The following LRP1B variants were observed in gnomAD, a reference collection of about 807,000 sequenced individuals.
LRP1B encodes LDL receptor related protein 1B, also known as low-density lipoprotein receptor-related protein 1B.
A neutral mutation model predicts 556.6 loss-of-function variants in LRP1B; 217 were observed. The ratio of observed to expected loss-of-function variants is 0.39; its 90% CI spans 0.35 to 0.44. The LOEUF (loss-of-function observed/expected upper bound fraction) is 0.44. Ranked by LOEUF, LRP1B falls within the 20% of genes least tolerant of loss-of-function variation. The pLI, the probability that LRP1B is intolerant of heterozygous loss-of-function variation, is 1.00. For missense variants in LRP1B, 5,053 were observed against 5,620.8 expected, an observed-to-expected ratio of 0.90 and a Z score of 3.23; for synonymous variants, 2,047 against 1,865.8, an observed-to-expected ratio of 1.10 and a Z score of -2.50.
chr2:141,661,720 G>A (rs963654037), intron 2 of LRP1B, among the ~76,000 whole-genome samples: 11 of 152,298 alleles, frequency 7.2e-5, no homozygotes, highest in African/African-American at 2.2e-4. Flanking sequence ...GTACCTGAAC[G>A]AGATGGGGAG....
chr2:141,724,350 T>A (rs546175020), intron 2 of LRP1B, among the ~76,000 whole-genome samples: 5 of 151,962 alleles, frequency 3.3e-5, no homozygotes. Context: ...CCTACCACCA[T>A]GTAGCTGCTG....
intron 2 of LRP1B, among the ~76,000 whole-genome samples, chr2:141,580,152 T>G (rs1462386859): frequency 1.3e-5 from 2 of 152,178 alleles, no homozygotes; most frequent in African/African-American, 4.8e-5. Context: ...ATGTGGACAT[T>G]AAAAAATTAT....
At chr2:141,170,181 C>T (rs1035687340) in intron 7 of LRP1B, among the ~76,000 whole-genome samples, 2 of 152,046 alleles carry the variant, frequency 1.3e-5, no homozygotes, top group African/African-American at 4.8e-5. Flanking sequence ...GCCACCAGTC[C>T]TAGAAATGAA....
At position 140,335,674 on chromosome 2, in the gene LRP1B, G is replaced by T; in HGVS notation, c.12057C>A (p.Thr4019=). ...NVGQLNGPNC[T]RLLTNMAGEP... ...CTCCAGCCATATTTGTTAAGAGTCT[G>T]GTGCAGTTGGGGCCATTCAGCTGCC... is the stretch of plus-strand genomic sequence containing the variant. The change falls in exon 78 of 91, where the codon ACC becomes ACA. Residue 4019 remains threonine, a synonymous_variant. Transcript: ENST00000389484. 3.7e-6 allele frequency: 6 copies of T among 1,612,668 alleles called. No homozygotes were observed. Among genetic ancestry groups the T allele is most frequent in the Non-Finnish European group, 5.1e-6 (6 of 1,179,048 alleles).
intron 11 of LRP1B, among the ~76,000 whole-genome samples, chr2:141,038,427 G>C (rs1013651924): frequency 3.3e-5 from 5 of 152,134 alleles, no homozygotes; most frequent in Non-Finnish European, 2.9e-5. Context: ...ATTTGACCAA[G>C]TTTTGATGTG....
At chr2:141,844,844 T>C (rs1383506401) in intron 1 of LRP1B, among the ~76,000 whole-genome samples, 1 of 151,764 alleles carries the variant, frequency 6.6e-6, no homozygotes, top group Non-Finnish European at 1.5e-5. Context: ...TCAATCATAT[T>C]CCCAAAACAG....
chr2:140,738,161 C>T (rs1156944513), intron 35 of LRP1B, among the ~76,000 whole-genome samples: 1 of 152,154 alleles, frequency 6.6e-6, no homozygotes, highest in African/African-American at 2.4e-5. Flanking sequence ...TGCCAAGCCA[C>T]TTTGAACTTC....
At chr2:140,742,011 A>G (rs1281195406) in intron 35 of LRP1B, among the ~76,000 whole-genome samples, 1 of 152,176 alleles carries the variant, frequency 6.6e-6, no homozygotes, top group Non-Finnish European at 1.5e-5. Flanking sequence ...TAATCCGTTC[A>G]TGGCTTTCAG....
chr2:141,614,023 A>C (rs1236292912), intron 2 of LRP1B, among the ~76,000 whole-genome samples: 1 of 136,844 alleles, frequency 7.3e-6, no homozygotes, highest in Admixed American at 8.0e-5. Flanking sequence ...TCATGAGCTG[A>C]GATCCAGCCA....
chr2:140,448,459 A>C (rs1686756776), intron 63 of LRP1B, among the ~76,000 whole-genome samples: 1 of 152,134 alleles, frequency 6.6e-6, no homozygotes, highest in Non-Finnish European at 1.5e-5. Flanking sequence ...TAGTGACAGC[A>C]TGGATGAACC....
chr2:141,962,727 C>T (rs1701436945), intron 1 of LRP1B, among the ~76,000 whole-genome samples: 1 of 151,708 alleles, frequency 6.6e-6, no homozygotes, highest in African/African-American at 2.4e-5. Flanking sequence ...CTAATAACAC[C>T]ATATAAGGTT....
At chr2:140,486,431 G>A (rs1688475884) in intron 58 of LRP1B, among the ~76,000 whole-genome samples, 1 of 151,772 alleles carries the variant, frequency 6.6e-6, no homozygotes, top group South Asian at 2.1e-4. Context: ...TGGAAAATTG[G>A]CATGGCTATT....
chr2:141,995,927 A>G (rs1702476208), intron 1 of LRP1B, among the ~76,000 whole-genome samples: 1 of 152,196 alleles, frequency 6.6e-6, no homozygotes, highest in Non-Finnish European at 1.5e-5. Flanking sequence ...AAGAGGGAAG[A>G]AAAAGGATAC....
At position 141,339,750 on chromosome 2, in the gene LRP1B, GTTTA is replaced by G. The variant is rs556097377; in HGVS notation, c.344-85113_344-85110del. ...TAATTTGGCCCAGAGAAGAGTCATG[GTTTA>G]TTTATTTTTCTCTTTTATTTATTTA... On this transcript the variant is annotated intron_variant, in intron 3 of 90. Coordinates refer to ENST00000389484, the MANE Select transcript of LRP1B (RefSeq NM_018557.3). 4.2e-4 allele frequency among the ~76,000 whole-genome samples: 51 copies of G among 121,458 alleles called. 1 individual carries two copies. Among genetic ancestry groups the G allele is most frequent in the Admixed American group, 3.4e-3 (44 of 12,864 alleles). The allele number at this position is 121,458 out of a possible 152,430, so 79.7% of individuals were successfully genotyped here.
chr2:141,991,380 T>C (rs1034320866), intron 1 of LRP1B, among the ~76,000 whole-genome samples: 1 of 152,010 alleles, frequency 6.6e-6, no homozygotes, highest in Non-Finnish European at 1.5e-5. Flanking sequence ...GTTTTGTAAT[T>C]ATCAATAATT....
At chr2:140,815,388 C>T (rs1268909502) in intron 31 of LRP1B, among the ~76,000 whole-genome samples, 3 of 152,062 alleles carry the variant, frequency 2.0e-5, no homozygotes, top group Admixed American at 6.6e-5. Flanking sequence ...CTCACTGCAG[C>T]TTTGAAATCC....
rs72892218 is a variant in LRP1B, at chr2:140,272,709, G to A, written c.13142+1715C>T. Reference sequence around the variant, plus strand: ...CTTCATTTTAATGCTAATGTGAAAAGTATCATAGAAATAAAAATGAACTTT... The same window carrying A: ...CTTCATTTTAATGCTAATGTGAAAAATATCATAGAAATAAAAATGAACTTT... On this transcript the variant is annotated intron_variant, in intron 85 of 90. Coordinates refer to ENST00000389484, the MANE Select transcript of LRP1B (RefSeq NM_018557.3). 2.6e-5 allele frequency among the ~76,000 whole-genome samples: 4 copies of A among 151,984 alleles called. No individual in the cohort carries two copies. In the East Asian group the frequency reaches 5.8e-4, roughly 22 times the overall value.
chr2:141,293,027 C>T (rs1038390039), intron 3 of LRP1B, among the ~76,000 whole-genome samples: 2 of 152,038 alleles, frequency 1.3e-5, no homozygotes, highest in East Asian at 3.9e-4. Context: ...TCTCAATTTT[C>T]CTCCTTTATG....
rs754037424 is a variant in LRP1B, at chr2:140,334,434, C to T, written c.12223+19G>A. The T allele has an allele frequency of 2.9e-6, 4 of 1,402,228 alleles. No individual in the cohort carries two copies. Among genetic ancestry groups the T allele is most frequent in the Non-Finnish European group, 4.0e-6 (4 of 987,816 alleles). The allele number at this position is 1,402,228 out of a possible 1,614,324, so 86.9% of individuals were successfully genotyped here. A position where few individuals can be genotyped will look rare whatever the true frequency, so the allele number is the denominator to read the frequency against. ...CTTGTCATTCTGCTTCATATTTTAG[C>T]GTGTGTCAGAAATCATACCTGTGGG... On this transcript the variant is annotated intron_variant, in intron 79 of 90. Transcript: ENST00000389484.
Sources: gnomAD v4.1 joint callset for allele counts (sites outside exome capture counted in the v4.1 genomes callset) on GRCh38, gnomAD v4.1.1 for gene constraint, MANE v1.5 for transcripts, NCBI Gene and HGNC (gene_info 2026-07-23, HGNC 2026-07-21) for gene names.